The following CTNNA1 variants were observed in gnomAD, a reference collection of about 807,000 sequenced individuals.
CTNNA1 encodes the protein catenin alpha-1.
CTNNA1 carries 37 observed loss-of-function variants against 98.4 expected under a neutral mutation model. That is an observed-to-expected ratio of 0.38 (90% CI 0.29 to 0.49). CTNNA1 has a LOEUF of 0.49. CTNNA1 is among the 20% of genes least tolerant of loss of function. The pLI is 0.95. For missense variants in CTNNA1, 761 were observed against 1,147.2 expected, an observed-to-expected ratio of 0.66 and a Z score of 4.86; for synonymous variants, 404 against 413.2, an observed-to-expected ratio of 0.98 and a Z score of 0.27.
chr5:138,775,986 A>G (rs1754088572), intron 1 of CTNNA1, among the ~76,000 whole-genome samples: 1 of 150,382 alleles, frequency 6.6e-6, no homozygotes, highest in East Asian at 1.9e-4. Flanking sequence ...TTGGCCTTCC[A>G]AAGTGCTGGG....
chr5:138,919,805 C>T (rs1432087595), intron 11 of CTNNA1, among the ~76,000 whole-genome samples: 1 of 152,068 alleles, frequency 6.6e-6, no homozygotes, highest in Non-Finnish European at 1.5e-5. Flanking sequence ...GTAATTAAAT[C>T]ATTAATAGGG....
chr5:138,844,734 T>G (rs1480387436), intron 7 of CTNNA1, among the ~76,000 whole-genome samples: 1 of 152,214 alleles, frequency 6.6e-6, no homozygotes, highest in African/African-American at 2.4e-5. Flanking sequence ...TTACCTATTA[T>G]TTTATTATTA....
chr5:138,824,589 G>C lies in CTNNA1; in HGVS notation c.648G>C (p.Lys216Asn). ...QMAAARGILQ[K>N]NVPILYTASQ... ...CTGCAGCTAGAGGAATCCTGCAGAA[G>C]AACGTTCCGATCCTCTATACTGCAT... Residue 216 changes from lysine (K) to asparagine (N), a missense_variant, in exon 6 of 18, where the codon AAG (lysine) becomes AAC (asparagine). Physicochemically the swap from Lys to Asn is moderately conservative, Grantham distance 94. This residue lies in a region of CTNNA1 where 328 missense variants were observed against 354.3 expected (regional missense o/e 0.93). Coordinates refer to ENST00000302763, the MANE Select transcript of CTNNA1 (RefSeq NM_001903.5). 6.2e-7 allele frequency: 1 copy of C among 1,614,222 alleles called. No individual in the cohort carries two copies. Among genetic ancestry groups the C allele is most frequent in the Non-Finnish European group, 8.5e-7 (1 of 1,180,030 alleles).
chr5:138,876,664 CTG>C (rs913474696), intron 7 of CTNNA1, among the ~76,000 whole-genome samples: 1 of 152,226 alleles, frequency 6.6e-6, no homozygotes, highest in African/African-American at 2.4e-5. Context: ...CTGATGGTGT[CTG>C]TGAAACAAGA....
rs1366283021 is a variant in CTNNA1, at chr5:138,890,563, A to G, written c.1296+2921A>G. Among the ~76,000 whole-genome samples the G allele has an allele frequency of 2.0e-5, 3 of 152,206 alleles. No individual in the cohort carries two copies. The East Asian group carries it at 5.8e-4, about 29-fold the overall frequency. The stretch of plus-strand genomic sequence containing the variant: ...AGGATGGAGTCTGGGAAGGTCTCAA[A>G]TACAGAGATTCTATGCCTCTTCCAA... On this transcript the variant is annotated intron_variant, in intron 9 of 17. Coordinates refer to ENST00000302763, the MANE Select transcript of CTNNA1 (RefSeq NM_001903.5).
In CTNNA1 at chr5:138,824,547, C is replaced by T. The variant is rs779343310; in HGVS notation, c.606C>T (p.Gly202=). ...TCTTGTAGGAATTGAAAGATGTTGGCCATCGTGATCAGATGGCTGCAGCTA... is the reference window on the plus strand; with the variant it reads ...TCTTGTAGGAATTGAAAGATGTTGGTCATCGTGATCAGATGGCTGCAGCTA... ...AKRQQELKDV[G]HRDQMAAARG... The change falls in exon 6 of 18, where the codon GGC becomes GGT. Residue 202 remains glycine, a synonymous_variant. Coordinates refer to ENST00000302763, the MANE Select transcript of CTNNA1 (RefSeq NM_001903.5). The T allele has an allele frequency of 3.1e-6, 5 of 1,613,818 alleles. No individual in the cohort carries two copies. The highest frequency in any genetic ancestry group is 4.2e-6 in the Non-Finnish European group (5 of 1,179,752).
intron 1 of CTNNA1, among the ~76,000 whole-genome samples, chr5:138,776,463 A>G (rs542670532): frequency 1.3e-5 from 2 of 152,248 alleles, no homozygotes; most frequent in African/African-American, 4.8e-5. Flanking sequence ...AGACACGGCA[A>G]CCATCCGATT....
At chr5:138,840,576 C>T (rs971376536) in intron 7 of CTNNA1, among the ~76,000 whole-genome samples, 1 of 152,042 alleles carries the variant, frequency 6.6e-6, no homozygotes, top group Admixed American at 6.5e-5. Flanking sequence ...AATAAAAAAT[C>T]GATTTATTAA....
At chr5:138,875,415 T>TCCAGAAGCTTTA in intron 7 of CTNNA1, 1 of 985,894 alleles carries the variant, frequency 1.0e-6, no homozygotes, top group Non-Finnish European at 1.2e-6. Flanking sequence ...GTTTGGGTTT[T>TCCAGAAGCTTTA]CCAGAAGCTT....
intron 1 of CTNNA1, 60 bp from the exon 2 acceptor site, chr5:138,781,863 G>A: frequency 6.8e-7 from 1 of 1,468,522 alleles, no homozygotes. Context: ...GAGAAGATTT[G>A]TTACATATTT....
At chr5:138,801,033 A>C (rs1757522036) in intron 3 of CTNNA1, among the ~76,000 whole-genome samples, 2 of 152,258 alleles carry the variant, frequency 1.3e-5, no homozygotes, top group South Asian at 4.1e-4. Context: ...GAGAACTACG[A>C]ATGATCACTT....
intron 3 of CTNNA1, among the ~76,000 whole-genome samples, chr5:138,788,193 C>T (rs954292529): frequency 2.6e-5 from 4 of 152,096 alleles, no homozygotes; most frequent in African/African-American, 9.7e-5. Flanking sequence ...GCCTTTTCCT[C>T]TCTACGCTCC....
intron 7 of CTNNA1, among the ~76,000 whole-genome samples, chr5:138,833,257 T>A (rs1322995987): frequency 6.6e-6 from 1 of 152,228 alleles, no homozygotes; most frequent in Non-Finnish European, 1.5e-5. Flanking sequence ...TTTGACTGAC[T>A]GGCGTTAGGG....
chr5:138,839,420 C>T (rs1438514132), intron 7 of CTNNA1, among the ~76,000 whole-genome samples: 1 of 151,824 alleles, frequency 6.6e-6, no homozygotes, highest in Non-Finnish European at 1.5e-5. Flanking sequence ...AGGCTGGTCT[C>T]TAACTCCTGA....
intron 7 of CTNNA1, among the ~76,000 whole-genome samples, chr5:138,881,717 A>G (rs1434229889): frequency 1.3e-5 from 2 of 152,200 alleles, no homozygotes; most frequent in East Asian, 3.9e-4. Context: ...AAGAAGCTTC[A>G]ATGCTGATTC....
intron 7 of CTNNA1, among the ~76,000 whole-genome samples, chr5:138,853,921 G>A (rs980066565): frequency 1.3e-5 from 2 of 152,094 alleles, no homozygotes; most frequent in African/African-American, 4.8e-5. Flanking sequence ...TGAGCTTTTG[G>A]GTTTAAAGAA....
intron 10 of CTNNA1, among the ~76,000 whole-genome samples, chr5:138,916,624 G>A (rs1481092914): frequency 6.6e-6 from 1 of 152,062 alleles, no homozygotes; most frequent in Non-Finnish European, 1.5e-5. Context: ...CTGGGCTCAA[G>A]CAGTGTTCCC....
chr5:138,874,462 C>T lies in CTNNA1; in HGVS notation c.1063-11750C>T, dbSNP rs776974901. 30 of 1,613,340 alleles carry T rather than the reference C, an allele frequency of 1.9e-5. No individual in the cohort carries two copies. The highest frequency in any genetic ancestry group is 2.2e-5 in the South Asian group (2 of 90,970). On this transcript the variant is annotated intron_variant, in intron 7 of 17. Coordinates refer to ENST00000302763, the MANE Select transcript of CTNNA1 (RefSeq NM_001903.5). The surrounding 1 kb of genome is among the most constrained non-coding windows in gnomAD (Gnocchi z 4.1). ...TCTCGCAGCGGCATTTGGGTGGACA[C>T]GCCATACCCAGGGCAGGCAGCATTT...
chr5:138,919,626 GA>G (rs1166235865), intron 11 of CTNNA1, among the ~76,000 whole-genome samples: 22 of 152,216 alleles, frequency 1.4e-4, no homozygotes, highest in Admixed American at 3.9e-4. Flanking sequence ...GAGAGTATAA[GA>G]GGGATTGATT....
Sources: gnomAD v4.1 joint callset for allele counts (sites outside exome capture counted in the v4.1 genomes callset) on GRCh38, gnomAD v4.1.1 for gene constraint, gnomAD v4.1.1 regional missense constraint, Gnocchi (gnomAD v3.1) non-coding constraint, MANE v1.5 for transcripts, NCBI Gene and HGNC (gene_info 2026-07-23, HGNC 2026-07-21) for gene names.